Variants in KAZN observed in about 807,000 individuals in gnomAD.
KAZN encodes kazrin, periplakin interacting protein.
A neutral mutation model predicts 87.4 loss-of-function variants in KAZN; 40 were observed. That is an observed-to-expected ratio of 0.46 (90% CI 0.36 to 0.60). The LOEUF is 0.60. KAZN is among the 20% of genes least tolerant of loss of function. The pLI, the probability that KAZN is intolerant of heterozygous loss-of-function variation, is 0.00. For synonymous variants in KAZN, 466 were observed against 458.3 expected (o/e 1.02, Z -0.22); for missense variants, 898 against 1,073.9 (o/e 0.84, Z 2.29).
At chr1:15,042,453 G>T (rs992051141) in intron 3 of KAZN, among the ~76,000 whole-genome samples, 5 of 152,202 alleles carry the variant, frequency 3.3e-5, no homozygotes, top group Non-Finnish European at 5.9e-5. Flanking sequence ...GGTCAGGGAA[G>T]GCTTCTCAGA....
chr1:14,836,020 G>A (rs1647235004), intron 1 of KAZN, among the ~76,000 whole-genome samples: 2 of 152,226 alleles, frequency 1.3e-5, no homozygotes, highest in Admixed American at 1.3e-4. Context: ...TAGGCAAACA[G>A]ACCCTTGTGG....
intron 1 of KAZN, among the ~76,000 whole-genome samples, chr1:14,136,279 A>T (rs532163975): frequency 6.6e-5 from 10 of 152,204 alleles, no homozygotes; most frequent in Admixed American, 1.3e-4. Flanking sequence ...GGCTCACTCC[A>T]TCTCCCTGTG....
intron 2 of KAZN, among the ~76,000 whole-genome samples, chr1:14,425,644 C>T (rs147321676): frequency 3.3e-5 from 5 of 152,266 alleles, no homozygotes; most frequent in African/African-American, 7.2e-5. Context: ...ACCAAGTGTC[C>T]GTGAATGCAT....
chr1:13,915,363 T>G (rs952955782), intron 1 of KAZN, among the ~76,000 whole-genome samples: 4 of 152,230 alleles, frequency 2.6e-5, no homozygotes, highest in African/African-American at 9.6e-5. Context: ...GACAAAAATG[T>G]TTTAGTCTAT....
intron 2 of KAZN, among the ~76,000 whole-genome samples, chr1:14,229,515 A>G (rs1382554995): frequency 6.6e-6 from 1 of 152,242 alleles, no homozygotes; most frequent in African/African-American, 2.4e-5. Flanking sequence ...AACAGATGTA[A>G]AGAAAATTCA....
intron 2 of KAZN, among the ~76,000 whole-genome samples, chr1:14,288,644 GATT>G (rs1387887649): frequency 6.6e-6 from 1 of 152,098 alleles, no homozygotes; most frequent in East Asian, 1.9e-4. Flanking sequence ...TGGATACATT[GATT>G]ATTTGAAGGG....
chr1:14,747,235 CATAG>C (rs927937294), intron 1 of KAZN, among the ~76,000 whole-genome samples: 31 of 152,214 alleles, frequency 2.0e-4, no homozygotes, highest in Non-Finnish European at 4.3e-4. Context: ...TAGATGGATA[CATAG>C]ATAGATAGAT....
chr1:14,230,170 G>T (rs1478988792), intron 2 of KAZN, among the ~76,000 whole-genome samples: 1 of 152,222 alleles, frequency 6.6e-6, no homozygotes, highest in Non-Finnish European at 1.5e-5. Context: ...TGCCTGAGCA[G>T]TTCTAGAGCC....
intron 2 of KAZN, among the ~76,000 whole-genome samples, chr1:14,229,996 C>T (rs1420273856): frequency 6.6e-6 from 1 of 152,250 alleles, no homozygotes; most frequent in East Asian, 1.9e-4. Flanking sequence ...GAGAACCTTC[C>T]ACAGTGATGG....
intron 1 of KAZN, among the ~76,000 whole-genome samples, chr1:14,729,078 C>T (rs1643556701): frequency 6.6e-6 from 1 of 152,116 alleles, no homozygotes; most frequent in African/African-American, 2.4e-5. Context: ...ATCCTTGAGG[C>T]TTTCCTGCCC....
At chr1:14,541,830 T>G (rs1282601974) in intron 2 of KAZN, among the ~76,000 whole-genome samples, 1 of 152,190 alleles carries the variant, frequency 6.6e-6, no homozygotes, top group African/African-American at 2.4e-5. Flanking sequence ...GTTAGATAAC[T>G]CCTCGGTCTC....
intron 2 of KAZN, among the ~76,000 whole-genome samples, chr1:14,413,279 CAGAA>C (rs896344580): frequency 1.3e-5 from 2 of 151,742 alleles, no homozygotes; most frequent in African/African-American, 4.8e-5. Context: ...TACCTCAATA[CAGAA>C]AGAGAGAAAC....
intron 1 of KAZN, among the ~76,000 whole-genome samples, chr1:14,896,036 G>A (rs1655225466): frequency 7.0e-6 from 1 of 142,470 alleles, no homozygotes; most frequent in South Asian, 2.3e-4. Flanking sequence ...AAATGAAAAA[G>A]ACGCCTTTTT....
At chr1:14,031,242 C>T (rs1185186298) in intron 1 of KAZN, among the ~76,000 whole-genome samples, 1 of 152,202 alleles carries the variant, frequency 6.6e-6, no homozygotes, top group Admixed American at 6.5e-5. Context: ...ATCAACAATT[C>T]AGACTTCAAT....
intron 2 of KAZN, among the ~76,000 whole-genome samples, chr1:14,984,997 G>A (rs969561931): frequency 3.9e-5 from 6 of 152,032 alleles, no homozygotes; most frequent in East Asian, 1.9e-4. Flanking sequence ...TTAGCCAGGC[G>A]TGGTGGTGCT....
At chr1:14,751,618 A>C (rs894699684) in intron 1 of KAZN, among the ~76,000 whole-genome samples, 1 of 152,132 alleles carries the variant, frequency 6.6e-6, no homozygotes, top group African/African-American at 2.4e-5. Context: ...CTTGGACTTG[A>C]ATCAGGCATC....
chr1:14,258,526 C>T (rs1650752549), intron 2 of KAZN, among the ~76,000 whole-genome samples: 1 of 151,786 alleles, frequency 6.6e-6, no homozygotes, highest in African/African-American at 2.4e-5. Context: ...TGAGCCACTG[C>T]GCCTAAAAAA....
chr1:15,011,821 G>C (rs1181061428), intron 2 of KAZN, among the ~76,000 whole-genome samples: 2 of 152,136 alleles, frequency 1.3e-5, no homozygotes, highest in Non-Finnish European at 2.9e-5. Context: ...CTCAGGGTTG[G>C]GGGCGGGGCA....
chr1:14,352,687 T>C (rs1404231411), intron 2 of KAZN, among the ~76,000 whole-genome samples: 1 of 152,162 alleles, frequency 6.6e-6, no homozygotes, highest in Non-Finnish European at 1.5e-5. Flanking sequence ...ACAAGAGATA[T>C]AATTGCAGGC....
Sources: gnomAD v4.1 joint callset for allele counts (sites outside exome capture counted in the v4.1 genomes callset) on GRCh38, gnomAD v4.1.1 for gene constraint, MANE v1.5 for transcripts, NCBI Gene and HGNC (gene_info 2026-07-23, HGNC 2026-07-21) for gene names.